The following CSRP1 variants were observed in gnomAD, a reference collection of about 807,000 sequenced individuals.
CSRP1 encodes cysteine and glycine-rich protein 1.
CSRP1 carries 16 observed loss-of-function variants against 25.4 expected under a neutral mutation model. The ratio of observed to expected loss-of-function variants is 0.63; its 90% CI spans 0.43 to 0.96. The LOEUF is 0.96. CSRP1 is among the 40% of genes least tolerant of loss of function. CSRP1 has a pLI of 0.00. For missense variants in CSRP1, 212 were observed against 243.6 expected, an observed-to-expected ratio of 0.87 and a Z score of 0.86; for synonymous variants, 97 against 95.3, an observed-to-expected ratio of 1.02 and a Z score of -0.10.
rs377725216 is a variant in CSRP1, at chr1:201,486,334, A to G, written c.412-958T>C. The G allele has an allele frequency of 5.0e-5, 49 of 985,376 alleles. No individual in the cohort carries two copies. In the East Asian group the frequency reaches 2.0e-3, roughly 41 times the overall value. The allele number at this position is 985,376 out of a possible 1,614,324, so 61.0% of individuals were successfully genotyped here. ...TGGGCAGGCTAAGAGGCTGATGTGT[A>G]GACAGCTCTGCTTAACCCAGGAAAA... On this transcript the variant is annotated intron_variant, in intron 4 of 5. Transcript: ENST00000340006.
intron 4 of CSRP1, chr1:201,485,847 G>C: frequency 6.4e-6 from 1 of 157,210 alleles, no homozygotes; most frequent in Admixed American, 6.3e-5. Context: ...GAGACCCAAA[G>C]GGTCTTCTGT....
At chr1:201,487,060 G>A (rs1229492237) in intron 4 of CSRP1, 1 of 1,100,462 alleles carries the variant, frequency 9.1e-7, no homozygotes, top group South Asian at 1.3e-5. Context: ...AAACTGTACT[G>A]AGGACATACC....
intron 3 of CSRP1, 36 bp downstream of exon 3, chr1:201,490,140 C>T: frequency 1.3e-6 from 2 of 1,592,872 alleles, no homozygotes; most frequent in East Asian, 2.2e-5. Flanking sequence ...GGGGAGAGAG[C>T]TCAAGAAAAA....
At chr1:201,499,127 T>C (rs1177966661) in intron 1 of CSRP1, among the ~76,000 whole-genome samples, 1 of 152,194 alleles carries the variant, frequency 6.6e-6, no homozygotes, top group African/African-American at 2.4e-5. Flanking sequence ...TCAGCCTCTT[T>C]CTGTACTGAG....
intron 2 of CSRP1, chr1:201,491,972 G>A (rs1476427771): frequency 6.6e-6 from 1 of 152,068 alleles, no homozygotes; most frequent in Non-Finnish European, 1.5e-5. Flanking sequence ...TCCTGCTCTG[G>A]AGATCTCCAT....
rs571229154 is a variant in CSRP1, at chr1:201,484,475, A to C, written c.*238T>G. ...GAGGGGCCTGCTCTCACCTAGACCCAAAACACTGAGGTCTCCTACTGGTGA... is the reference window on the plus strand; with the variant it reads ...GAGGGGCCTGCTCTCACCTAGACCCCAAACACTGAGGTCTCCTACTGGTGA... On this transcript the variant is annotated 3_prime_UTR_variant, in exon 6 of 6. Transcript: ENST00000340006. 7.9e-4 allele frequency: 455 copies of C among 575,524 alleles called. 2 individuals carry two copies. The highest frequency in any genetic ancestry group is 1.2e-3 in the Admixed American group (40 of 32,798). The allele number at this position is 575,524 out of a possible 1,614,324, so 35.7% of individuals were successfully genotyped here.
At chr1:201,489,545 T>C (rs1664263570) in intron 3 of CSRP1, 2 of 158,714 alleles carry the variant, frequency 1.3e-5, no homozygotes, top group African/African-American at 4.8e-5. Context: ...TAGTGAGAGA[T>C]AGCAGGGCTG....
At chr1:201,495,334 G>T (rs1664477698) in intron 2 of CSRP1, among the ~76,000 whole-genome samples, 1 of 152,208 alleles carries the variant, frequency 6.6e-6, no homozygotes, top group Non-Finnish European at 1.5e-5. Context: ...GGAGGCTGCA[G>T]TGAGACACTG....
At chr1:201,504,036 T>A (rs932892911) in intron 1 of CSRP1, among the ~76,000 whole-genome samples, 2 of 152,218 alleles carry the variant, frequency 1.3e-5, no homozygotes, top group African/African-American at 4.8e-5. Flanking sequence ...AAATAGTTTA[T>A]AAGCCACTGT....
At chr1:201,503,099 C>G (rs1474962939) in intron 1 of CSRP1, among the ~76,000 whole-genome samples, 2 of 152,058 alleles carry the variant, frequency 1.3e-5, no homozygotes, top group Non-Finnish European at 2.9e-5. Flanking sequence ...GAGCCAAGAT[C>G]GTGCCACTGC....
chr1:201,498,871 G>C (rs763153844), intron 1 of CSRP1, among the ~76,000 whole-genome samples: 1 of 152,244 alleles, frequency 6.6e-6, no homozygotes, highest in Non-Finnish European at 1.5e-5. Flanking sequence ...TTACTGTGGG[G>C]AAGTGGTGTT....
intron 3 of CSRP1, 170 bp from the exon 4 acceptor site, chr1:201,489,154 A>T (rs1284287695): frequency 1.4e-6 from 1 of 707,162 alleles, no homozygotes; most frequent in African/African-American, 1.8e-5. Context: ...TTACAGATGG[A>T]CAAACCAAGC....
intron 1 of CSRP1, among the ~76,000 whole-genome samples, chr1:201,499,795 T>C (rs1664613700): frequency 6.6e-6 from 1 of 152,142 alleles, no homozygotes; most frequent in Admixed American, 6.5e-5. Context: ...CTAATTTTTG[T>C]ATTTTTATTA....
chr1:201,499,493 C>A (rs543565216), intron 1 of CSRP1, among the ~76,000 whole-genome samples: 1 of 152,258 alleles, frequency 6.6e-6, no homozygotes, highest in South Asian at 2.1e-4. Flanking sequence ...TTGTACAGAC[C>A]CACACAAGCT....
At chr1:201,504,927 C>A (rs868554994) in intron 1 of CSRP1, among the ~76,000 whole-genome samples, 10 of 152,148 alleles carry the variant, frequency 6.6e-5, no homozygotes, top group Non-Finnish European at 1.3e-4. Flanking sequence ...GGCGAAATGC[C>A]GTCTCTACTA....
rs1260568807 is a variant in CSRP1, at chr1:201,483,988, C to T, written c.*725G>A. The T allele has an allele frequency of 1.4e-6, 1 of 694,770 alleles. No individual in the cohort carries two copies. The highest frequency in any genetic ancestry group is 1.7e-5 in the African/African-American group (1 of 57,236). The allele number at this position is 694,770 out of a possible 1,614,324, so 43.0% of individuals were successfully genotyped here. A position where few individuals can be genotyped will look rare whatever the true frequency, so the allele number is the denominator to read the frequency against. On this transcript the variant is annotated 3_prime_UTR_variant, in exon 6 of 6. Coordinates refer to ENST00000340006, the MANE Select transcript of CSRP1 (RefSeq NM_004078.3). ...ATGCCAATATATGTTTCAGGTATTT[C>T]ATTAGGATCCTCCCATCAAGCAGGG... is the stretch of plus-strand genomic sequence containing the variant.
At chr1:201,489,233 T>A (rs977175207) in intron 3 of CSRP1, 1 of 372,490 alleles carries the variant, frequency 2.7e-6, no homozygotes, top group African/African-American at 2.1e-5. Context: ...CCAGAATCAT[T>A]TAACACCCCA....
At chr1:201,491,940 A>G (rs1664352429) in intron 2 of CSRP1, 1 of 152,144 alleles carries the variant, frequency 6.6e-6, no homozygotes, top group South Asian at 2.1e-4. Flanking sequence ...TGGAGACTTC[A>G]GACTAAATAA....
chr1:201,484,521 G>A lies in CSRP1; in HGVS notation c.*192C>T. ...GGTGATGGTGTCAGATCCCAGGCCT[G>A]GGGAGCCCTTTAGTGGGGTGGGACC... is the stretch of plus-strand genomic sequence containing the variant. On this transcript the variant is annotated 3_prime_UTR_variant, in exon 6 of 6. Coordinates refer to ENST00000340006, the MANE Select transcript of CSRP1 (RefSeq NM_004078.3). 1 of 607,846 alleles carries A rather than the reference G, an allele frequency of 1.6e-6. No homozygotes were observed. The highest frequency in any genetic ancestry group is 3.0e-5 in the Admixed American group (1 of 33,700). The allele number at this position is 607,846 out of a possible 1,614,324, so 37.7% of individuals were successfully genotyped here.
Sources: allele counts gnomAD v4.1 joint callset (sites outside exome capture counted in the v4.1 genomes callset), GRCh38; gene constraint gnomAD v4.1.1; transcripts MANE v1.5; gene names NCBI Gene and HGNC (gene_info 2026-07-23, HGNC 2026-07-21).